The following MID1 variants were observed in gnomAD, a reference collection of about 807,000 sequenced individuals.
MID1 encodes midline 1.
A neutral mutation model predicts 40.4 loss-of-function variants in MID1; 7 were observed. The ratio of observed to expected loss-of-function variants is 0.17; its 90% confidence interval spans 0.10 to 0.33. The LOEUF (loss-of-function observed/expected upper bound fraction) is 0.33, where lower values mean the gene tolerates loss of function less well. Among genes scored for constraint, MID1 ranks in the 10% least tolerant of loss-of-function variants. MID1 has a pLI of 1.00. For synonymous variants in MID1, 229 were observed against 221.2 expected (o/e 1.04, Z -0.31); for missense variants, 367 against 558.5 (o/e 0.66, Z 3.46).
chrX:10,481,613 TA>T (rs1254082031), intron 5 of MID1, among the ~76,000 whole-genome samples: 1 of 110,018 alleles, frequency 9.1e-6, no homozygotes, highest in Non-Finnish European at 1.9e-5. Context: ...CTAATTTTTG[TA>T]TTTTTTTTTT....
intron 1 of MID1, among the ~76,000 whole-genome samples, chrX:10,581,314 A>G (rs1053483664): frequency 8.9e-6 from 1 of 112,632 alleles, no homozygotes; most frequent in Non-Finnish European, 1.9e-5. Context: ...AGTACCTTGA[A>G]GCCAGATAAC....
intron 2 of MID1, among the ~76,000 whole-genome samples, chrX:10,528,906 G>A (rs1022440068): frequency 4.5e-5 from 5 of 111,579 alleles, no homozygotes; most frequent in African/African-American, 1.6e-4. Flanking sequence ...ATTTTGACTC[G>A]TAGATATTCT....
intron 1 of MID1, among the ~76,000 whole-genome samples, chrX:10,789,104 G>A (rs188666793): frequency 2.6e-4 from 29 of 111,558 alleles, no homozygotes; most frequent in Non-Finnish European, 4.9e-4. Flanking sequence ...GAGGTGGGAG[G>A]ATTGCCTCAG....
chrX:10,682,216 T>C (rs2043065862), intron 1 of MID1, among the ~76,000 whole-genome samples: 1 of 112,072 alleles, frequency 8.9e-6, no homozygotes. Context: ...TGTGAGCTTA[T>C]AATATTCTTA....
At chrX:10,617,822 T>C (rs1935864562) in intron 1 of MID1, among the ~76,000 whole-genome samples, 1 of 112,308 alleles carries the variant, frequency 8.9e-6, no homozygotes, top group African/African-American at 3.2e-5. Context: ...TTCATAAAAG[T>C]TTCCCGTTTA....
rs760944215 is a variant in MID1, at chrX:10,707,049, G to A, written c.-186-86630C>T. On this transcript the variant is annotated intron_variant, in intron 1 of 10. Coordinates refer to the MID1 transcript ENST00000380785. ...ATCAAGGTCTTGCTAGGTTTGATAT[G>A]TCCAGGTTTATCACAGTGTTTTCAG... is the stretch of plus-strand genomic sequence containing the variant. Among the ~76,000 whole-genome samples, 10 of 112,091 alleles carry A rather than the reference G, an allele frequency of 8.9e-5. No homozygotes were observed. In the South Asian group the frequency reaches 1.9e-3, roughly 21 times the overall value.
chrX:10,691,765 G>A (rs2043132575), intron 1 of MID1, among the ~76,000 whole-genome samples: 1 of 112,142 alleles, frequency 8.9e-6, no homozygotes, highest in African/African-American at 3.2e-5. Flanking sequence ...GGGTCAGGCA[G>A]AATAGAGCAT....
At chrX:10,575,589 A>G (rs1934849912) in intron 1 of MID1, among the ~76,000 whole-genome samples, 1 of 111,711 alleles carries the variant, frequency 9.0e-6, no homozygotes, top group African/African-American at 3.3e-5. Context: ...GATAAAGACC[A>G]CCGAATAAAG....
chrX:10,805,166 C>A (rs901606209), intron 1 of MID1, among the ~76,000 whole-genome samples: 1 of 108,954 alleles, frequency 9.2e-6, no homozygotes, highest in Admixed American at 9.8e-5. Flanking sequence ...GTGCGCTGCA[C>A]CCACTAACTT....
At chrX:10,520,604 C>T (rs1932658491) in intron 3 of MID1, among the ~76,000 whole-genome samples, 1 of 112,169 alleles carries the variant, frequency 8.9e-6, no homozygotes, top group African/African-American at 3.2e-5. Flanking sequence ...GAGTTACTGT[C>T]AAAATTTTTA....
chrX:10,634,341 A>G (rs1229992307), intron 1 of MID1, among the ~76,000 whole-genome samples: 1 of 111,704 alleles, frequency 9.0e-6, no homozygotes, highest in Non-Finnish European at 1.9e-5. Context: ...AGATATGAAA[A>G]CACATTTTAC....
intron 7 of MID1, chrX:10,469,246 AT>A (rs938337039): frequency 1.3e-4 from 82 of 646,702 alleles, no homozygotes; most frequent in South Asian, 2.3e-4. Flanking sequence ...TAATTTTTGT[AT>A]TTTTTTTGTA....
chrX:10,495,122 A>C (rs1440669551), intron 4 of MID1, among the ~76,000 whole-genome samples: 1 of 112,085 alleles, frequency 8.9e-6, no homozygotes, highest in Non-Finnish European at 1.9e-5. Context: ...TTTTGGGACC[A>C]TGAAGTTATA....
chrX:10,465,210 T>C lies in MID1; in HGVS notation c.1285+4487A>G, dbSNP rs868387101. ...TTTTATATATATATATATATATATATATATACACACACACACACACACACA... is the reference window on the plus strand; with the variant it reads ...TTTTATATATATATATATATATATACATATACACACACACACACACACACA... On this transcript the variant is annotated intron_variant, in intron 7 of 9. Coordinates refer to ENST00000317552, the MANE Select transcript of MID1 (RefSeq NM_000381.4). 5.5e-3 allele frequency among the ~76,000 whole-genome samples: 344 copies of C among 61,984 alleles called. 5 individuals carry two copies. The highest frequency in any genetic ancestry group is 0.03 in the African/African-American group (323 of 10,880). The allele number at this position is 61,984 out of a possible 115,157, so 53.8% of individuals were successfully genotyped here. A position where few individuals can be genotyped will look rare whatever the true frequency, so the allele number is the denominator to read the frequency against.
chrX:10,719,057 A>C (rs1376615108), intron 1 of MID1, among the ~76,000 whole-genome samples: 10 of 111,885 alleles, frequency 8.9e-5, no homozygotes, highest in African/African-American at 3.3e-4. Flanking sequence ...CAAAATAATA[A>C]GAGCTATTTA....
At chrX:10,587,829 C>T (rs1425010087) in intron 1 of MID1, among the ~76,000 whole-genome samples, 1 of 110,317 alleles carries the variant, frequency 9.1e-6, no homozygotes, top group Non-Finnish European at 1.9e-5. Context: ...TTTAACAATG[C>T]TTTCTGTATG....
chrX:10,445,788 G>A lies in MID1; in HGVS notation c.*3580C>T, dbSNP rs1323709547. 8.9e-6 allele frequency: 1 copy of A among 111,775 alleles called. No homozygotes were observed. The highest frequency in any genetic ancestry group is 1.9e-5 in the Non-Finnish European group (1 of 53,200). The allele number at this position is 111,775 out of a possible 1,213,427, so 9.2% of individuals were successfully genotyped here. On this transcript the variant is annotated 3_prime_UTR_variant, in exon 10 of 10. Transcript: ENST00000317552. ...GGCTTGGATTGCTTTTCAGATATCA[G>A]ATTTTTGGAACTATTTTATAAATAT...
intron 1 of MID1, among the ~76,000 whole-genome samples, chrX:10,571,532 T>G (rs1387515216): frequency 9.3e-6 from 1 of 107,753 alleles, no homozygotes; most frequent in Non-Finnish European, 1.9e-5. Context: ...ACCAAATACT[T>G]AAGTTCATCT....
intron 1 of MID1, among the ~76,000 whole-genome samples, chrX:10,782,729 T>A (rs1259447088): frequency 1.8e-5 from 2 of 112,583 alleles, no homozygotes; most frequent in East Asian, 5.5e-4. Flanking sequence ...TAAAATAATT[T>A]TTTATACTTT....
Sources: gnomAD v4.1 joint callset for allele counts (sites outside exome capture counted in the v4.1 genomes callset) on GRCh38, gnomAD v4.1.1 for gene constraint, MANE v1.5 for transcripts, NCBI Gene and HGNC (gene_info 2026-07-23, HGNC 2026-07-21) for gene names.